The following PIGU variants were observed in gnomAD, a reference collection of about 807,000 sequenced individuals.
PIGU encodes GPI-anchor transamidase component PIGU.
In PIGU, 24 loss-of-function variants were observed where a neutral mutation model predicts 49.9. The ratio of observed to expected loss-of-function variants is 0.48; its 90% confidence interval spans 0.35 to 0.68. The LOEUF (loss-of-function observed/expected upper bound fraction) is 0.68, where lower values mean the gene tolerates loss of function less well. Among genes scored for constraint, PIGU ranks in the 30% least tolerant of loss-of-function variants. The probability of loss-of-function intolerance (pLI) is 0.01; values close to 1 mark genes in which losing one functional copy is unlikely to be tolerated. For synonymous variants in PIGU, 220 were observed against 205.7 expected (o/e 1.07, Z -0.59); for missense variants, 490 against 532.6 (o/e 0.92, Z 0.79).
chr20:34,562,503 G>T (rs1982567993), intron 11 of PIGU: 1 of 1,289,372 alleles, frequency 7.8e-7, no homozygotes, highest in South Asian at 1.2e-5. Context: ...AAGGTGTCCT[G>T]TCACCAGCAG....
At chr20:34,575,462 T>G (rs1030991622) in intron 10 of PIGU, among the ~76,000 whole-genome samples, 1 of 152,164 alleles carries the variant, frequency 6.6e-6, no homozygotes, top group Admixed American at 6.5e-5. Flanking sequence ...TGGATTTCGA[T>G]TATTTCCTCC....
intron 8 of PIGU, among the ~76,000 whole-genome samples, chr20:34,585,844 TAA>T (rs1983679068): frequency 6.6e-6 from 1 of 152,178 alleles, no homozygotes; most frequent in African/African-American, 2.4e-5. Context: ...ATCCTAGGAA[TAA>T]AGAGACTCAC....
intron 10 of PIGU, among the ~76,000 whole-genome samples, chr20:34,576,968 G>C (rs1353595180): frequency 6.6e-6 from 1 of 152,178 alleles, no homozygotes; most frequent in Non-Finnish European, 1.5e-5. Flanking sequence ...GTAAGGCGAT[G>C]TCTTCACAGG....
At chr20:34,667,065 C>T (rs953209073) in intron 1 of PIGU, among the ~76,000 whole-genome samples, 1 of 151,972 alleles carries the variant, frequency 6.6e-6, no homozygotes, top group African/African-American at 2.4e-5. Context: ...TGGTCTCAAA[C>T]TCCCGGCCTC....
chr20:34,623,674 A>G (rs1985340020), intron 6 of PIGU, among the ~76,000 whole-genome samples: 1 of 152,222 alleles, frequency 6.6e-6, no homozygotes, highest in African/African-American at 2.4e-5. Context: ...AACAATAGGC[A>G]GAGCAACTAG....
chr20:34,562,652 G>A (rs766662936), intron 11 of PIGU: 9 of 1,036,900 alleles, frequency 8.7e-6, no homozygotes, highest in Non-Finnish European at 1.2e-5. Flanking sequence ...TACACCTGGA[G>A]CACTGGACTA....
At chr20:34,608,691 T>C (rs1490279131) in intron 7 of PIGU, among the ~76,000 whole-genome samples, 1 of 151,546 alleles carries the variant, frequency 6.6e-6, no homozygotes, top group Non-Finnish European at 1.5e-5. Context: ...ATCAAATCCA[T>C]TTTGATTTGG....
chr20:34,642,331 T>A (rs1487037828), intron 4 of PIGU, among the ~76,000 whole-genome samples: 1 of 152,106 alleles, frequency 6.6e-6, no homozygotes, highest in Admixed American at 6.6e-5. Context: ...TGTCTCAGTC[T>A]CCAGAGTAGC....
chr20:34,674,213 G>C (rs1568671191), intron 1 of PIGU, among the ~76,000 whole-genome samples: 1 of 151,746 alleles, frequency 6.6e-6, no homozygotes, highest in Non-Finnish European at 1.5e-5. Context: ...AAATTAGCTG[G>C]GCATGGTGGC....
intron 7 of PIGU, among the ~76,000 whole-genome samples, chr20:34,596,004 G>A (rs984730699): frequency 2.6e-5 from 4 of 152,200 alleles, no homozygotes; most frequent in African/African-American, 9.7e-5. Flanking sequence ...CTTGAGCCCA[G>A]TCGGGCGATG....
Position 34,585,558 on chromosome 20 carries a change from G to C in PIGU, c.805C>G (p.Pro269Ala). 1 of 1,613,702 alleles carries C rather than the reference G, an allele frequency of 6.2e-7. No individual in the cohort carries two copies. The highest frequency in any genetic ancestry group is 8.5e-7 in the Non-Finnish European group (1 of 1,179,604). ...GFILSVPDLT[P>A]NIGLFWYFFA... ...AAGTACCAGAAAAGACCAATGTTTG[G>C]AGTGAGATCTGGAACAGAAAGTCTG... The change falls in exon 9 of 12, where the codon CCA becomes GCA. Residue 269 changes from proline to alanine, a missense_variant. By Grantham distance (27) the Pro-to-Ala change is conservative. Transcript: ENST00000217446.
At chr20:34,609,321 A>G (rs576218015) in intron 7 of PIGU, among the ~76,000 whole-genome samples, 4 of 151,874 alleles carry the variant, frequency 2.6e-5, no homozygotes, top group African/African-American at 9.7e-5. Flanking sequence ...ACAAAAAAGA[A>G]TATTTCCTCT....
intron 7 of PIGU, among the ~76,000 whole-genome samples, chr20:34,605,774 C>G (rs1984589777): frequency 2.0e-5 from 3 of 152,070 alleles, no homozygotes; most frequent in African/African-American, 7.2e-5. Context: ...AATAATTAAC[C>G]ATATATGTCT....
intron 11 of PIGU, among the ~76,000 whole-genome samples, chr20:34,564,652 G>A (rs1031674963): frequency 1.3e-5 from 2 of 152,222 alleles, no homozygotes; most frequent in African/African-American, 4.8e-5. Flanking sequence ...TACACATGCT[G>A]AAATATTTAG....
At chr20:34,618,240 T>C (rs1301749217) in intron 6 of PIGU, among the ~76,000 whole-genome samples, 1 of 152,252 alleles carries the variant, frequency 6.6e-6, no homozygotes, top group Non-Finnish European at 1.5e-5. Flanking sequence ...TGCTTTGTTT[T>C]TGTCATTAGA....
intron 11 of PIGU, among the ~76,000 whole-genome samples, chr20:34,564,026 T>C (rs76122790): frequency 7.1e-4 from 108 of 152,296 alleles, no homozygotes; most frequent in African/African-American, 2.5e-3. Flanking sequence ...ACAAGATACC[T>C]GGCCAGCGCT....
At chr20:34,627,737 G>A (rs1473923738) in intron 6 of PIGU, among the ~76,000 whole-genome samples, 9 of 152,056 alleles carry the variant, frequency 5.9e-5, no homozygotes, top group Non-Finnish European at 8.8e-5. Flanking sequence ...AGGCTGCTGC[G>A]TATATTGTTT....
intron 7 of PIGU, among the ~76,000 whole-genome samples, chr20:34,611,741 T>C (rs546846994): frequency 1.3e-5 from 2 of 149,642 alleles, no homozygotes; most frequent in East Asian, 3.9e-4. Context: ...AAGAGATTTA[T>C]GTGGCCAAGA....
chr20:34,635,767 C>T lies in PIGU; in HGVS notation c.429-1052G>A, dbSNP rs373579886. 2.7e-4 allele frequency among the ~76,000 whole-genome samples: 41 copies of T among 151,950 alleles called. No homozygotes were observed. The East Asian group carries it at 5.8e-3, about 21-fold the overall frequency. On this transcript the variant is annotated intron_variant, in intron 5 of 11. Transcript: ENST00000217446. ...GCACATGCCTGTAATCCCAGCTACT[C>T]GGGAGCCTGAGGCAGGAGAATGGCT...
Sources: allele counts gnomAD v4.1 joint callset (sites outside exome capture counted in the v4.1 genomes callset), GRCh38; gene constraint gnomAD v4.1.1; transcripts MANE v1.5; gene names NCBI Gene and HGNC (gene_info 2026-07-23, HGNC 2026-07-21).